SMYD1: variants seen among roughly 807,000 people sequenced by gnomAD.
The protein encoded by SMYD1 is histone-lysine N-methyltransferase SMYD1.
A neutral mutation model predicts 54.0 loss-of-function variants in SMYD1; 49 were observed. The observed-to-expected ratio is 0.91, with a 90% CI of 0.72 to 1.15. The LOEUF (loss-of-function observed/expected upper bound fraction) is 1.15. Among genes scored for constraint, SMYD1 ranks in the 50% most tolerant of loss-of-function variants. SMYD1 has a pLI of 0.00. For synonymous variants in SMYD1, 269 were observed against 234.2 expected (o/e 1.15, Z -1.36); for missense variants, 653 against 639.6 (o/e 1.02, Z -0.23).
rs1242834923 is a variant in SMYD1, at chr2:88,111,861, C to T, written c.*1349C>T. Reference sequence around the variant, plus strand: ...TTGGGGTGTCACCAAGACTTCTACACAACCCAGGACTACCATTGACCTCAG... The same window carrying T: ...TTGGGGTGTCACCAAGACTTCTACATAACCCAGGACTACCATTGACCTCAG... On this transcript the variant is annotated 3_prime_UTR_variant, in exon 10 of 10. Transcript: ENST00000419482. 2 of 517,812 alleles carry T rather than the reference C, an allele frequency of 3.9e-6. No homozygotes were observed. Among genetic ancestry groups the T allele is most frequent in the Middle Eastern group, 5.2e-4 (1 of 1,936 alleles). 32.1% of individuals were successfully genotyped at this position (517,812 alleles called of 1,614,324 possible).
In SMYD1 at chr2:88,067,844, G is replaced by T. The variant is rs372515302; in HGVS notation, c.-21G>T. On this transcript the variant is annotated 5_prime_UTR_variant, in exon 1 of 10. Coordinates refer to ENST00000419482, the MANE Select transcript of SMYD1 (RefSeq NM_198274.4). ...TGGCTCAGTGTTAAATAACTGCCGC[G>T]CTGGCCTGACAGTCTCTGAGATGAC... 1 of 1,610,464 alleles carries T rather than the reference G, an allele frequency of 6.2e-7. No homozygotes were observed. The highest frequency in any genetic ancestry group is 1.1e-5 in the South Asian group (1 of 90,620).
chr2:88,098,408 T>C (rs1674650259), intron 6 of SMYD1, among the ~76,000 whole-genome samples: 1 of 152,188 alleles, frequency 6.6e-6, no homozygotes, highest in Non-Finnish European at 1.5e-5. Flanking sequence ...ATCTCCAGTA[T>C]GAATTGCAGA....
chr2:88,101,179 T>C (rs1341389310), intron 6 of SMYD1, among the ~76,000 whole-genome samples: 1 of 152,222 alleles, frequency 6.6e-6, no homozygotes, highest in African/African-American at 2.4e-5. Flanking sequence ...GGATACATTT[T>C]CATTGGAACA....
At position 88,108,330 on chromosome 2, in the gene SMYD1, G is replaced by C; in HGVS notation, c.1146-41G>C. The stretch of plus-strand genomic sequence containing the variant: ...TATTAAATTAAGTGCAGATATAAGG[G>C]TGATTGGTATGATGTATAATTATCT... On this transcript the variant is annotated intron_variant, in intron 8 of 9. Coordinates refer to ENST00000419482, the MANE Select transcript of SMYD1 (RefSeq NM_198274.4). 2.0e-6 allele frequency: 3 copies of C among 1,501,102 alleles called. No homozygotes were observed. The South Asian group carries it at 4.2e-5, about 21-fold the overall frequency. 93.0% of individuals were successfully genotyped at this position (1,501,102 alleles called of 1,614,324 possible). A position where few individuals can be genotyped will look rare whatever the true frequency, so the allele number is the denominator to read the frequency against.
intron 3 of SMYD1, among the ~76,000 whole-genome samples, chr2:88,088,853 G>C (rs1380952193): frequency 6.6e-6 from 1 of 152,144 alleles, no homozygotes; most frequent in Non-Finnish European, 1.5e-5. Flanking sequence ...GAGGCCATAA[G>C]AGTCCGGGAA....
intron 9 of SMYD1, among the ~76,000 whole-genome samples, chr2:88,108,760 T>C (rs1674944138): frequency 6.6e-6 from 1 of 152,214 alleles, no homozygotes; most frequent in Non-Finnish European, 1.5e-5. Flanking sequence ...AAGAGGCTTA[T>C]GTTGGTTCAT....
chr2:88,112,274 C>A lies in SMYD1; in HGVS notation c.*1762C>A, dbSNP rs2970888. The A allele has an allele frequency of 0.72, 466,400 of 644,166 alleles. 170,400 individuals carry two copies. The highest frequency in any genetic ancestry group is 0.85 in the African/African-American group (46,601 of 54,882). The allele number at this position is 644,166 out of a possible 1,614,324, so 39.9% of individuals were successfully genotyped here. A position where few individuals can be genotyped will look rare whatever the true frequency, so the allele number is the denominator to read the frequency against. ...CTTTGTCATTGTTATCTGCTAAGCC[C>A]CTGGTCATTTCCCCATATTCGTAGT... is the stretch of plus-strand genomic sequence containing the variant. On this transcript the variant is annotated 3_prime_UTR_variant, in exon 10 of 10. Coordinates refer to ENST00000419482, the MANE Select transcript of SMYD1 (RefSeq NM_198274.4).
chr2:88,097,548 A>G (rs1043338865), intron 6 of SMYD1, among the ~76,000 whole-genome samples: 3 of 152,090 alleles, frequency 2.0e-5, no homozygotes, highest in South Asian at 2.1e-4. Context: ...CAGGGGGAGG[A>G]TGAGGGGGAT....
rs187154387 is a variant in SMYD1, at chr2:88,080,481, G to C, written c.138-3835G>C. The stretch of plus-strand genomic sequence containing the variant: ...GGTGTAAAATATGAGAGCAGTTCTG[G>C]TGTGGGGTTGCTCTCTGATGGGCGA... On this transcript the variant is annotated intron_variant, in intron 1 of 9. Transcript: ENST00000419482. Among the ~76,000 whole-genome samples the C allele has an allele frequency of 1.2e-4, 18 of 152,310 alleles. No homozygotes were observed. The East Asian group carries it at 3.3e-3, about 28-fold the overall frequency.
intron 5 of SMYD1, among the ~76,000 whole-genome samples, chr2:88,096,235 A>G (rs560795849): frequency 1.2e-4 from 18 of 152,268 alleles, no homozygotes; most frequent in Admixed American, 9.2e-4. Context: ...TTTTTGCCTT[A>G]TTATTTCTCC....
chr2:88,072,994 A>G (rs1467166629), intron 1 of SMYD1, among the ~76,000 whole-genome samples: 1 of 152,134 alleles, frequency 6.6e-6, no homozygotes, highest in African/African-American at 2.4e-5. Context: ...TGGGCTTCTA[A>G]TAATCTGCTT....
chr2:88,074,866 G>C (rs544206419), intron 1 of SMYD1, among the ~76,000 whole-genome samples: 2 of 152,136 alleles, frequency 1.3e-5, no homozygotes, highest in African/African-American at 4.8e-5. Context: ...TCTTAGGTGC[G>C]GCAGAGCAGG....
intron 1 of SMYD1, among the ~76,000 whole-genome samples, chr2:88,070,981 A>G (rs576617295): frequency 1.4e-5 from 2 of 143,174 alleles, no homozygotes; most frequent in African/African-American, 2.5e-5. Context: ...TAATAGTTTT[A>G]TCACAGTCAC....
chr2:88,086,260 C>T (rs2103991009), intron 2 of SMYD1, among the ~76,000 whole-genome samples: 1 of 152,262 alleles, frequency 6.6e-6, no homozygotes, highest in African/African-American at 2.4e-5. Flanking sequence ...GCAATTATCT[C>T]AATTAAAATT....
In SMYD1 at chr2:88,112,031, A is replaced by G; in HGVS notation, c.*1519A>G. The G allele has an allele frequency of 1.4e-6, 1 of 702,862 alleles. No individual in the cohort carries two copies. The highest frequency in any genetic ancestry group is 2.6e-6 in the Non-Finnish European group (1 of 384,860). 43.5% of individuals were successfully genotyped at this position (702,862 alleles called of 1,614,324 possible). On this transcript the variant is annotated 3_prime_UTR_variant, in exon 10 of 10. Transcript: ENST00000419482. Reference sequence around the variant, plus strand: ...TACCCAGTGGCTGAAAACTCTGCAAATGGGCCACACTTTTGCAAAATACTT... The same window carrying G: ...TACCCAGTGGCTGAAAACTCTGCAAGTGGGCCACACTTTTGCAAAATACTT...
intron 4 of SMYD1, 145 bp downstream of exon 4, chr2:88,091,287 G>T: frequency 1.2e-6 from 1 of 842,478 alleles, no homozygotes. Flanking sequence ...TCTCATTCCA[G>T]AATAATTGTG....
intron 1 of SMYD1, among the ~76,000 whole-genome samples, chr2:88,073,094 T>C (rs946980781): frequency 1.3e-5 from 2 of 152,194 alleles, no homozygotes; most frequent in Non-Finnish European, 2.9e-5. Context: ...CCAGTGTTTA[T>C]TGTTCACATT....
chr2:88,091,839 G>A (rs1404014562), intron 4 of SMYD1, among the ~76,000 whole-genome samples: 2 of 152,132 alleles, frequency 1.3e-5, no homozygotes, highest in East Asian at 3.8e-4. Flanking sequence ...ACTCCAGCTT[G>A]GGTGACAAAG....
intron 1 of SMYD1, among the ~76,000 whole-genome samples, chr2:88,074,652 AT>A (rs998263669): frequency 6.6e-6 from 1 of 151,906 alleles, no homozygotes; most frequent in South Asian, 2.1e-4. Flanking sequence ...CAGTTAGTGG[AT>A]TTTTTTTTAA....
Sources: gnomAD v4.1 joint callset for allele counts (sites outside exome capture counted in the v4.1 genomes callset) on GRCh38, gnomAD v4.1.1 for gene constraint, MANE v1.5 for transcripts, NCBI Gene and HGNC (gene_info 2026-07-23, HGNC 2026-07-21) for gene names.